Variants in LAMB1 observed in about 807,000 individuals in gnomAD.
LAMB1 encodes the protein laminin subunit beta 1, also known as laminin subunit beta-1.
A neutral mutation model predicts 222.3 loss-of-function variants in LAMB1; 121 were observed. The ratio of observed to expected loss-of-function variants is 0.54; its 90% CI spans 0.47 to 0.63. LAMB1 has a LOEUF of 0.63. LAMB1 is among the 30% of genes least tolerant of loss of function. The pLI is 0.00. For missense variants in LAMB1, 2,172 were observed against 2,240.8 expected (o/e 0.97, Z 0.62); for synonymous variants, 794 against 807.2 (o/e 0.98, Z 0.28).
rs781622241 is a variant in LAMB1, at chr7:107,980,642, A to T, written c.846T>A (p.Pro282=). 6.2e-7 allele frequency: 1 copy of T among 1,614,116 alleles called. No homozygotes were observed. Among genetic ancestry groups the T allele is most frequent in the South Asian group, 1.1e-5 (1 of 91,084 alleles). The part of the protein sequence containing the change: ...FCYGHASECA[P]VDGFNEEVEG... ...CCACTTCTTCATTGAATCCATCCAC[A>T]GGGGCACATTCGCTGGCATGACCAT... Residue 282 remains proline (P), a synonymous_variant, in exon 8 of 34, where the codon CCT becomes CCA. Transcript: ENST00000222399.
At chr7:107,984,869 T>C (rs944860577) in intron 7 of LAMB1, among the ~76,000 whole-genome samples, 2 of 152,006 alleles carry the variant, frequency 1.3e-5, no homozygotes, top group African/African-American at 2.4e-5. Flanking sequence ...GATATAGTTA[T>C]GCTAAAAAAA....
chr7:107,937,645 C>A lies in LAMB1; in HGVS notation c.3762-368G>T, dbSNP rs115673968. On this transcript the variant is annotated intron_variant, in intron 25 of 33. Transcript: ENST00000222399. ...TTGTGAAAACTGAAGACATAAATGA[C>A]TCCAGTTATACAATTAGGCCTCCCA... Among the ~76,000 whole-genome samples the A allele has an allele frequency of 2.7e-3, 407 of 152,248 alleles. 1 individual carries two copies. The highest frequency in any genetic ancestry group is 9.4e-3 in the African/African-American group (389 of 41,552).
At chr7:107,977,109 TC>T (rs1489981560) in intron 9 of LAMB1, among the ~76,000 whole-genome samples, 1 of 145,608 alleles carries the variant, frequency 6.9e-6, no homozygotes, top group African/African-American at 2.5e-5. Flanking sequence ...CCCCTTCCCT[TC>T]CTCCCTCCCT....
At chr7:107,941,341 T>C (rs1012008019) in intron 24 of LAMB1, among the ~76,000 whole-genome samples, 3 of 152,234 alleles carry the variant, frequency 2.0e-5, no homozygotes, top group African/African-American at 7.2e-5. Flanking sequence ...CGAAAGGCCT[T>C]ATGCTAACAT....
rs771407822 is a variant in LAMB1, at chr7:107,939,970, TG to T, written c.3761+18del. 5.6e-6 allele frequency: 9 copies of T among 1,605,010 alleles called. No individual in the cohort carries two copies. Among genetic ancestry groups the T allele is most frequent in the Non-Finnish European group, 7.7e-6 (9 of 1,173,646 alleles). ...TTTTCAGCTTTATGAGTAATTCCTC[TG>T]GCTCATTAACTACTTACTCTGCTTC... On this transcript the variant is annotated intron_variant, in intron 25 of 33. Transcript: ENST00000222399.
intron 24 of LAMB1, among the ~76,000 whole-genome samples, chr7:107,945,172 G>A (rs1455705295): frequency 3.9e-5 from 6 of 152,136 alleles, no homozygotes. Flanking sequence ...TGGCCAGTAG[G>A]CTTCCTCTAT....
chr7:107,972,633 A>G (rs868624626), intron 13 of LAMB1, among the ~76,000 whole-genome samples: 19 of 152,168 alleles, frequency 1.2e-4, no homozygotes, highest in Non-Finnish European at 1.9e-4. Flanking sequence ...CTCTACACAA[A>G]TCAAAACAGG....
At position 108,002,898 on chromosome 7, in the gene LAMB1, C is replaced by T. The variant is rs376306795; in HGVS notation, c.-13G>A. On this transcript the variant is annotated 5_prime_UTR_variant, in exon 2 of 34. Coordinates refer to ENST00000222399, the MANE Select transcript of LAMB1 (RefSeq NM_002291.3). ...GGAGAAGCCCCATGCCGGCTCCCTG[C>T]AGCCACGGGGACGCGGCAGAGGAGT... The T allele has an allele frequency of 6.2e-7, 1 of 1,613,728 alleles. No individual in the cohort carries two copies. Among genetic ancestry groups the T allele is most frequent in the African/African-American group, 1.3e-5 (1 of 74,952 alleles).
rs80225385 is a variant in LAMB1, at chr7:107,940,100, C to T, written c.3650G>A (p.Arg1217His). The T allele has an allele frequency of 1.1e-5, 17 of 1,614,042 alleles. No individual in the cohort carries two copies. Among genetic ancestry groups the T allele is most frequent in the African/African-American group, 1.3e-5 (1 of 74,930 alleles). Residue 1217 changes from arginine to histidine, a missense_variant, in exon 25 of 34, where the codon CGT becomes CAT. Physicochemically the swap from Arg to His is conservative, Grantham distance 29. Coordinates refer to ENST00000222399, the MANE Select transcript of LAMB1 (RefSeq NM_002291.3). ...LKISGVIGPY[R>H]ETVDSVERKV... is the part of the protein sequence containing the mutation. ...CCTCTCCACCGAGTCCACAGTCTCA[C>T]GGTAAGGCCCGATCACACCACTGAT...
chr7:107,925,157 A>AAGTT (rs1268477685), intron 32 of LAMB1, among the ~76,000 whole-genome samples: 1 of 152,200 alleles, frequency 6.6e-6, no homozygotes, highest in African/African-American at 2.4e-5. Context: ...GAGGTAGGGA[A>AAGTT]AGTTACTCTT....
intron 3 of LAMB1, chr7:107,999,851 A>G (rs1023155724): frequency 1.3e-5 from 2 of 151,778 alleles, no homozygotes; most frequent in Admixed American, 1.3e-4. Flanking sequence ...ACCAAGAAGC[A>G]ATACCAAGAG....
rs554118055 is a variant in LAMB1 at position 107,951,286 on chromosome 7, C to G, written c.3331G>C (p.Gly1111Arg). The change falls in exon 24 of 34, where the codon GGC becomes CGC. Residue 1111 changes from glycine (G) to arginine (R), a missense_variant. Coordinates refer to ENST00000222399, the MANE Select transcript of LAMB1 (RefSeq NM_002291.3). Reference sequence around the variant, plus strand: ...TCCTGGCACTCGCTGCAGGTGCGGCCTCCAAACCCAGGCATGCACTGGCAC... The same window carrying G: ...TCCTGGCACTCGCTGCAGGTGCGGCGTCCAAACCCAGGCATGCACTGGCAC... The part of the protein sequence containing the change: ...GQCQCMPGFG[G>R]RTCSECQELF... 5.0e-6 allele frequency: 8 copies of G among 1,614,050 alleles called. No individual in the cohort carries two copies. In the Admixed American group the frequency reaches 1.3e-4, roughly 27 times the overall value.
rs896624646 is a variant in LAMB1, at chr7:108,002,962, G to A, written c.-77C>T. The A allele has an allele frequency of 1.2e-6, 2 of 1,606,578 alleles. No individual in the cohort carries two copies. The highest frequency in any genetic ancestry group is 1.7e-6 in the Non-Finnish European group (2 of 1,178,012). On this transcript the variant is annotated 5_prime_UTR_variant, in exon 2 of 34. The change creates a new upstream start codon in the 5' untranslated region. Coordinates refer to ENST00000222399, the MANE Select transcript of LAMB1 (RefSeq NM_002291.3). Reference sequence around the variant, plus strand: ...GCCGAGCCGCCTGCCCTTTCTTCCCGTCTTCCTTTCTGGAGAGGTGGAAAG... The same window carrying A: ...GCCGAGCCGCCTGCCCTTTCTTCCCATCTTCCTTTCTGGAGAGGTGGAAAG...
chr7:107,993,008 A>C (rs2034214450), intron 5 of LAMB1, among the ~76,000 whole-genome samples: 1 of 152,196 alleles, frequency 6.6e-6, no homozygotes, highest in Non-Finnish European at 1.5e-5. Flanking sequence ...AGCTCTGGCC[A>C]CACATGCCAA....
Position 107,964,753 on chromosome 7 carries a change from C to T in LAMB1, c.1563-66G>A. 1.9e-6 allele frequency: 3 copies of T among 1,579,694 alleles called. No individual in the cohort carries two copies. In the Admixed American group the frequency reaches 5.2e-5, roughly 27 times the overall value. On this transcript the variant is annotated intron_variant, in intron 13 of 33. Transcript: ENST00000222399. The stretch of plus-strand genomic sequence containing the variant: ...ACGCGAGTCAACCCGCCAGAAGCAG[C>T]TCTACAGCTGCCATTACTCAGTACA...
chr7:107,931,725 A>C (rs1356045955), intron 28 of LAMB1: 6 of 536,060 alleles, frequency 1.1e-5, no homozygotes, highest in Non-Finnish European at 1.9e-5. Flanking sequence ...CTAGCATTTA[A>C]AATTTTTCAA....
intron 13 of LAMB1, among the ~76,000 whole-genome samples, chr7:107,965,922 C>A (rs1312192145): frequency 2.0e-5 from 3 of 151,884 alleles, no homozygotes; most frequent in South Asian, 4.2e-4. Flanking sequence ...CATGGTGAAA[C>A]CCCGTCTCTA....
chr7:107,972,719 A>G lies in LAMB1; in HGVS notation c.1562+273T>C, dbSNP rs75460309. On this transcript the variant is annotated intron_variant, in intron 13 of 33. Coordinates refer to ENST00000222399, the MANE Select transcript of LAMB1 (RefSeq NM_002291.3). ...ACCAACTGTTGCTGGGGATGGGGGA[A>G]AAGGTACTTTTGTAACTGATAGGAA... Among the ~76,000 whole-genome samples the G allele has an allele frequency of 0.044, 6,681 of 152,296 alleles. 474 individuals carry two copies. Among genetic ancestry groups the G allele is most frequent in the African/African-American group, 0.15 (6,127 of 41,534 alleles).
chr7:107,983,005 G>C (rs2034004051), intron 7 of LAMB1, among the ~76,000 whole-genome samples: 1 of 152,210 alleles, frequency 6.6e-6, no homozygotes, highest in Admixed American at 6.5e-5. Flanking sequence ...TAGGGACTTA[G>C]GGGGTGTCTG....
Sources: allele counts gnomAD v4.1 joint callset (sites outside exome capture counted in the v4.1 genomes callset), GRCh38; gene constraint gnomAD v4.1.1; transcripts MANE v1.5; gene names NCBI Gene and HGNC (gene_info 2026-07-23, HGNC 2026-07-21).